Variants in RPS6KA2 observed in about 807,000 individuals in gnomAD.
RPS6KA2 encodes ribosomal protein S6 kinase alpha-2.
A neutral mutation model predicts 91.8 loss-of-function variants in RPS6KA2; 42 were observed. That is an observed-to-expected ratio of 0.46 (90% confidence interval 0.36 to 0.59). The LOEUF is 0.59. Ranked by LOEUF, RPS6KA2 falls within the 20% of genes least tolerant of loss-of-function variation. RPS6KA2 has a pLI of 0.00. For synonymous variants in RPS6KA2, 414 were observed against 393.6 expected, an observed-to-expected ratio of 1.05 and a Z score of -0.61; for missense variants, 798 against 978.5, an observed-to-expected ratio of 0.82 and a Z score of 2.46.
intron 2 of RPS6KA2, among the ~76,000 whole-genome samples, chr6:166,696,193 A>G (rs559234424): frequency 6.6e-6 from 1 of 152,270 alleles, no homozygotes; most frequent in Admixed American, 6.5e-5. Flanking sequence ...AGGAAACAGC[A>G]GGATGTCTCC....
chr6:166,544,398 C>T (rs751148987), intron 1 of RPS6KA2, among the ~76,000 whole-genome samples: 8 of 152,110 alleles, frequency 5.3e-5, no homozygotes, highest in South Asian at 2.1e-4. Context: ...ATCTGCGGCA[C>T]GACTCCTGAT....
intron 1 of RPS6KA2, among the ~76,000 whole-genome samples, chr6:166,558,391 A>AG (rs1286430507): frequency 2.2e-3 from 340 of 152,318 alleles, no homozygotes; most frequent in African/African-American, 7.9e-3. Context: ...GCCTACCCGT[A>AG]TCTAGGGGGC....
intron 20 of RPS6KA2, among the ~76,000 whole-genome samples, chr6:166,413,208 C>T (rs1261315791): frequency 6.6e-6 from 1 of 152,168 alleles, no homozygotes; most frequent in Admixed American, 6.5e-5. Flanking sequence ...TGCATTCTGA[C>T]AGTGAGGCCA....
At chr6:166,781,688 A>C (rs1056534502) in intron 2 of RPS6KA2, among the ~76,000 whole-genome samples, 1 of 152,182 alleles carries the variant, frequency 6.6e-6, no homozygotes, top group African/African-American at 2.4e-5. Flanking sequence ...GCAAACTGGG[A>C]ACCTTCCTGA....
intron 2 of RPS6KA2, among the ~76,000 whole-genome samples, chr6:166,723,704 C>CTTTTTTT (rs1249150694): frequency 1.0e-4 from 14 of 139,646 alleles, no homozygotes; most frequent in African/African-American, 3.6e-4. Context: ...CTTTTCTTTT[C>CTTTTTTT]TTTTTTTTTT....
At chr6:166,676,000 G>T (rs1788608400) in intron 2 of RPS6KA2, among the ~76,000 whole-genome samples, 2 of 152,134 alleles carry the variant, frequency 1.3e-5, no homozygotes. Flanking sequence ...TCGCCGTAAG[G>T]GATTCACTGG....
chr6:166,679,255 A>G (rs1275557957), intron 2 of RPS6KA2, among the ~76,000 whole-genome samples: 1 of 151,930 alleles, frequency 6.6e-6, no homozygotes, highest in Admixed American at 6.6e-5. Context: ...GGAGTTCGAG[A>G]CCAGCCTGGC....
At chr6:166,610,655 A>C (rs967036724) in intron 1 of RPS6KA2, among the ~76,000 whole-genome samples, 1 of 152,366 alleles carries the variant, frequency 6.6e-6, no homozygotes, top group African/African-American at 2.4e-5. Flanking sequence ...CTAATTTATC[A>C]AAACATAATC....
chr6:166,522,903 A>T (rs929231195), intron 3 of RPS6KA2, among the ~76,000 whole-genome samples: 3 of 152,220 alleles, frequency 2.0e-5, no homozygotes, highest in Non-Finnish European at 4.4e-5. Flanking sequence ...TGACTCCCCA[A>T]CAGGTGTCTT....
At chr6:166,813,204 A>G (rs1229387765) in intron 2 of RPS6KA2, among the ~76,000 whole-genome samples, 1 of 152,060 alleles carries the variant, frequency 6.6e-6, no homozygotes, top group Non-Finnish European at 1.5e-5. Flanking sequence ...GCATTTAACA[A>G]GCGGAAGCCA....
intron 1 of RPS6KA2, among the ~76,000 whole-genome samples, chr6:166,602,754 G>A (rs1407163259): frequency 1.3e-5 from 2 of 152,234 alleles, no homozygotes; most frequent in African/African-American, 4.8e-5. Flanking sequence ...GAGGGAGAAG[G>A]ATGAGACTGG....
At chr6:166,791,952 G>C (rs1207446347) in intron 2 of RPS6KA2, among the ~76,000 whole-genome samples, 2 of 151,748 alleles carry the variant, frequency 1.3e-5, no homozygotes, top group Non-Finnish European at 2.9e-5. Flanking sequence ...CACAATTAAA[G>C]AACTAGAGAA....
chr6:166,465,850 G>A (rs1360830946), intron 11 of RPS6KA2, among the ~76,000 whole-genome samples: 1 of 152,224 alleles, frequency 6.6e-6, no homozygotes, highest in Non-Finnish European at 1.5e-5. Context: ...CTTTGCTGGT[G>A]CACCACCAGG....
At position 166,423,031 on chromosome 6, in the gene RPS6KA2, G is replaced by A. The variant is rs115835451; in HGVS notation, c.1743+225C>T. On this transcript the variant is annotated intron_variant, in intron 17 of 20. Coordinates refer to ENST00000265678, the MANE Select transcript of RPS6KA2 (RefSeq NM_021135.6). This position sits in a 1 kb window ranked among gnomAD's most constrained non-coding sequence, Gnocchi z 4.8. Reference sequence around the variant, plus strand: ...TACATAAAAATGTTACTGTTGAAAAGTTTTTTCAAATGGGAAAATGAGAAT... The same window carrying A: ...TACATAAAAATGTTACTGTTGAAAAATTTTTTCAAATGGGAAAATGAGAAT... Among the ~76,000 whole-genome samples, 621 of 152,310 alleles carry A rather than the reference G, an allele frequency of 4.1e-3. 6 individuals are homozygous for A. Among genetic ancestry groups the A allele is most frequent in the African/African-American group, 0.014 (568 of 41,554 alleles).
At chr6:166,473,298 C>T (rs1397092590) in intron 10 of RPS6KA2, among the ~76,000 whole-genome samples, 2 of 152,006 alleles carry the variant, frequency 1.3e-5, no homozygotes, top group Non-Finnish European at 1.5e-5. Context: ...TCAGGTGATC[C>T]TCCCAGCTCA....
In RPS6KA2 at chr6:166,566,160, C is replaced by T. The variant is rs560149225; in HGVS notation, c.100-27376G>A. Among the ~76,000 whole-genome samples the T allele has an allele frequency of 5.3e-5, 8 of 152,340 alleles. No homozygotes were observed. The East Asian group carries it at 1.5e-3, about 29-fold the overall frequency. On this transcript the variant is annotated intron_variant, in intron 1 of 20. Coordinates refer to ENST00000265678, the MANE Select transcript of RPS6KA2 (RefSeq NM_021135.6). ...TACAGAAAGGGAACAGACCTACTCC[C>T]GGGCTCCTGGGACGTGATGGCCTTG... is the stretch of plus-strand genomic sequence containing the variant.
At chr6:166,456,854 C>G (rs1426895887) in intron 12 of RPS6KA2, among the ~76,000 whole-genome samples, 2 of 152,170 alleles carry the variant, frequency 1.3e-5, no homozygotes, top group Non-Finnish European at 2.9e-5. Context: ...ACTGGAAACA[C>G]TAAGGAATAA....
rs1334133723 is a variant in RPS6KA2, at chr6:166,554,709, T to A, written c.100-15925A>T. 6.6e-6 allele frequency among the ~76,000 whole-genome samples: 1 copy of A among 152,194 alleles called. No individual in the cohort carries two copies. The highest frequency in any genetic ancestry group is 1.5e-5 in the Non-Finnish European group (1 of 68,044). ...AACCAACCTGCTGTCTGAAAGGGTTTTGTTTTTTTGTTTTTTTCTAAGCAA... is the reference window on the plus strand; with the variant it reads ...AACCAACCTGCTGTCTGAAAGGGTTATGTTTTTTTGTTTTTTTCTAAGCAA... On this transcript the variant is annotated intron_variant, in intron 1 of 20. Coordinates refer to ENST00000265678, the MANE Select transcript of RPS6KA2 (RefSeq NM_021135.6). This position sits in a 1 kb window ranked among gnomAD's most constrained non-coding sequence, Gnocchi z 4.3.
rs1784225353 is a variant in RPS6KA2 at position 166,557,984 on chromosome 6, G to A, written c.100-19200C>T. ...TATGTATATACAGAGGGGTGTGTGT[G>A]TGTGTGTATATATGTATGTGTATAT... On this transcript the variant is annotated intron_variant, in intron 1 of 20. Transcript: ENST00000265678. The surrounding 1 kb of genome is among the most constrained non-coding windows in gnomAD (Gnocchi z 4.8). 6.6e-6 allele frequency among the ~76,000 whole-genome samples: 1 copy of A among 151,982 alleles called. No individual in the cohort carries two copies. Among genetic ancestry groups the A allele is most frequent in the African/African-American group, 2.4e-5 (1 of 41,368 alleles).
Sources: allele counts gnomAD v4.1 joint callset (sites outside exome capture counted in the v4.1 genomes callset), GRCh38; gene constraint gnomAD v4.1.1; non-coding constraint Gnocchi (gnomAD v3.1); transcripts MANE v1.5; gene names NCBI Gene and HGNC (gene_info 2026-07-23, HGNC 2026-07-21).